Variants in EYS observed in about 807,000 individuals in gnomAD.
EYS encodes the protein protein eyes shut homolog.
A neutral mutation model predicts 282.1 loss-of-function variants in EYS; 250 were observed. That is an observed-to-expected ratio of 0.89 (90% CI 0.80 to 0.98). EYS has a LOEUF of 0.98. EYS is among the 50% of genes least tolerant of loss of function. The pLI is 0.00. For missense variants in EYS, 4,016 were observed against 3,709.0 expected (o/e 1.08, Z -2.15); for synonymous variants, 1,355 against 1,282.9 (o/e 1.06, Z -1.20).
chr6:64,516,720 T>A (rs1297014805), intron 26 of EYS, among the ~76,000 whole-genome samples: 1 of 151,802 alleles, frequency 6.6e-6, no homozygotes, highest in South Asian at 2.1e-4. Flanking sequence ...TGTACTTGGT[T>A]AAATGGAATT....
chr6:64,308,907 C>A (rs1396671479), intron 29 of EYS, among the ~76,000 whole-genome samples: 6 of 152,166 alleles, frequency 3.9e-5, no homozygotes, highest in Non-Finnish European at 8.8e-5. Flanking sequence ...TTATATGCTG[C>A]AGTTGGGAAA....
intron 35 of EYS, among the ~76,000 whole-genome samples, chr6:63,947,767 A>G (rs2149762501): frequency 6.6e-6 from 1 of 152,228 alleles, no homozygotes; most frequent in African/African-American, 2.4e-5. Flanking sequence ...GCCCCCTGAC[A>G]GAAAGCAATC....
At chr6:65,434,567 G>A (rs774648009) in intron 5 of EYS, among the ~76,000 whole-genome samples, 2 of 152,048 alleles carry the variant, frequency 1.3e-5, no homozygotes, top group African/African-American at 2.4e-5. Context: ...TGATCGGCCC[G>A]CCTTGGCCTC....
At chr6:64,702,962 T>C (rs12665111) in intron 22 of EYS, among the ~76,000 whole-genome samples, 8,611 of 151,282 alleles carry the variant, frequency 0.057, 313 homozygotes, top group East Asian at 0.15. Context: ...ATAGAAAACA[T>C]TGTATTACCT....
At chr6:64,559,687 G>C (rs1765337915) in intron 26 of EYS, among the ~76,000 whole-genome samples, 1 of 151,898 alleles carries the variant, frequency 6.6e-6, no homozygotes, top group South Asian at 2.1e-4. Context: ...AGACACAATT[G>C]TATTACATAA....
At chr6:64,923,844 A>G (rs1177391008) in intron 15 of EYS, among the ~76,000 whole-genome samples, 2 of 152,222 alleles carry the variant, frequency 1.3e-5, no homozygotes, top group African/African-American at 4.8e-5. Context: ...GGTGTTGGGC[A>G]GCTCTGCCCC....
chr6:64,940,001 A>T (rs186328934), intron 15 of EYS, among the ~76,000 whole-genome samples: 1 of 152,094 alleles, frequency 6.6e-6, no homozygotes, highest in Admixed American at 6.6e-5. Context: ...AGTAATTGCT[A>T]CCTCTTTTGA....
chr6:64,092,190 T>G (rs530696034), intron 31 of EYS, among the ~76,000 whole-genome samples: 1 of 152,334 alleles, frequency 6.6e-6, no homozygotes, highest in East Asian at 1.9e-4. Flanking sequence ...TTTGCTATTG[T>G]GAATAGTGCT....
At chr6:64,451,561 G>T (rs1005903083) in intron 26 of EYS, among the ~76,000 whole-genome samples, 6 of 152,114 alleles carry the variant, frequency 3.9e-5, no homozygotes, top group African/African-American at 1.4e-4. Context: ...AACAAAAAAA[G>T]AGAATTTTAG....
chr6:64,252,939 C>T (rs1767270532), intron 30 of EYS, among the ~76,000 whole-genome samples: 1 of 152,058 alleles, frequency 6.6e-6, no homozygotes, highest in African/African-American at 2.4e-5. Context: ...CCAATATATT[C>T]CCTTTAACAG....
intron 35 of EYS, among the ~76,000 whole-genome samples, chr6:63,950,040 G>T (rs1365493317): frequency 6.6e-6 from 1 of 152,038 alleles, no homozygotes. Context: ...GGGCGTGGTG[G>T]CAGGCACCTG....
At chr6:65,188,350 A>C (rs963202289) in intron 12 of EYS, among the ~76,000 whole-genome samples, 1 of 151,778 alleles carries the variant, frequency 6.6e-6, no homozygotes, top group African/African-American at 2.4e-5. Flanking sequence ...AATGAATACA[A>C]TGTTCACAAT....
intron 35 of EYS, among the ~76,000 whole-genome samples, chr6:63,909,309 AATCTATCATTT>A (rs1773858979): frequency 6.6e-6 from 1 of 152,158 alleles, no homozygotes; most frequent in African/African-American, 2.4e-5. Context: ...CCAATTGATC[AATCTATCATTT>A]ATCTATCATC....
intron 29 of EYS, among the ~76,000 whole-genome samples, chr6:64,315,490 C>T (rs757364701): frequency 2.7e-5 from 4 of 149,724 alleles, no homozygotes; most frequent in Non-Finnish European, 4.4e-5. Context: ...GCCAATATCC[C>T]TTATGAACGT....
chr6:63,876,355 G>A (rs1276824168), intron 35 of EYS, among the ~76,000 whole-genome samples: 2 of 152,114 alleles, frequency 1.3e-5, no homozygotes, highest in Admixed American at 1.3e-4. Flanking sequence ...AATAATTTCT[G>A]TTCTTTTACA....
At chr6:64,230,355 A>G (rs1766387938) in intron 31 of EYS, among the ~76,000 whole-genome samples, 1 of 152,354 alleles carries the variant, frequency 6.6e-6, no homozygotes. Context: ...CTTCTATTTT[A>G]TATGGCAATT....
chr6:64,457,965 T>C (rs1330345618), intron 26 of EYS, among the ~76,000 whole-genome samples: 1 of 151,956 alleles, frequency 6.6e-6, no homozygotes, highest in Non-Finnish European at 1.5e-5. Context: ...TTTTGCTTTG[T>C]GGTTACCATG....
chr6:64,469,958 G>A (rs1041338900), intron 26 of EYS, among the ~76,000 whole-genome samples: 1 of 152,158 alleles, frequency 6.6e-6, no homozygotes, highest in African/African-American at 2.4e-5. Flanking sequence ...GCTGTAAGCT[G>A]TTTCTCTCTC....
chr6:65,542,239 AT>A (rs1164400641), intron 2 of EYS, among the ~76,000 whole-genome samples: 1 of 152,150 alleles, frequency 6.6e-6, no homozygotes, highest in East Asian at 1.9e-4. Context: ...ATTACAAAAA[AT>A]ATTTCATAAA....
Sources: allele counts gnomAD v4.1 joint callset (sites outside exome capture counted in the v4.1 genomes callset), GRCh38; gene constraint gnomAD v4.1.1; transcripts MANE v1.5; gene names NCBI Gene and HGNC (gene_info 2026-07-23, HGNC 2026-07-21).